The following ADGRG2 variants were observed in gnomAD, a reference collection of about 807,000 sequenced individuals.
The protein encoded by ADGRG2 is G protein-coupled receptor 64.
ADGRG2 carries 26 observed loss-of-function variants against 74.1 expected under a neutral mutation model. The ratio of observed to expected loss-of-function variants is 0.35; its 90% CI spans 0.26 to 0.49. The LOEUF (loss-of-function observed/expected upper bound fraction) is 0.49. Ranked by LOEUF, ADGRG2 falls within the 20% of genes least tolerant of loss-of-function variation. The pLI is 0.99. For missense variants in ADGRG2, 619 were observed against 763.1 expected (o/e 0.81, Z 2.22); for synonymous variants, 296 against 295.2 (o/e 1.00, Z -0.03).
In ADGRG2 at chrX:18,998,743, G is replaced by A. The variant is rs1601844737; in HGVS notation, c.2614+253C>T. ...GTTTTTAGCAATAAAATATTTTTAA[G>A]TTAAAGTATGTACATTTGTTTAGAC... On this transcript the variant is annotated intron_variant, in intron 26 of 28. Coordinates refer to ENST00000379869, the MANE Select transcript of ADGRG2 (RefSeq NM_001079858.3). Among the ~76,000 whole-genome samples the A allele has an allele frequency of 1.8e-5, 2 of 109,077 alleles. 1 individual carries two copies. 94.7% of individuals were successfully genotyped at this position (109,077 alleles called of 115,157 possible).
At position 18,999,125 on chromosome X, in the gene ADGRG2, T is replaced by C. The variant is rs776743937; in HGVS notation, c.2485A>G (p.Ile829Val). Residue 829 changes from isoleucine to valine, a missense_variant, in exon 26 of 29, where the codon ATT (isoleucine) becomes GTT (valine). Physicochemically the swap from Ile to Val is conservative, Grantham distance 29. Coordinates refer to ENST00000379869, the MANE Select transcript of ADGRG2 (RefSeq NM_001079858.3). ...CCAGCGATACTCCTGAGGTCTTGAA[T>C]ACTGGTTTTTCGCTGGGCTCCCAGT... The part of the protein sequence containing the change: ...KQLGAQRKTS[I>V]QDLRSIAGLT... 1.3e-5 allele frequency: 16 copies of C among 1,209,487 alleles called. 1 individual carries two copies. The South Asian group carries it at 2.6e-4, about 20-fold the overall frequency.
At chrX:18,992,689 T>C (rs192853564) in intron 28 of ADGRG2, among the ~76,000 whole-genome samples, 2 of 112,390 alleles carry the variant, frequency 1.8e-5, no homozygotes, top group African/African-American at 6.5e-5. Flanking sequence ...ACATGCATAT[T>C]ATGTGATATT....
At chrX:19,037,769 T>C in intron 4 of ADGRG2, 133 bp from the exon 5 acceptor site, 1 of 456,275 alleles carries the variant, frequency 2.2e-6, no homozygotes, top group Non-Finnish European at 3.7e-6. Flanking sequence ...TAGTTAAATC[T>C]GCATGTCCCA....
At chrX:19,112,380 G>A (rs2062427517) in intron 1 of ADGRG2, among the ~76,000 whole-genome samples, 1 of 110,874 alleles carries the variant, frequency 9.0e-6, no homozygotes, top group African/African-American at 3.3e-5. Flanking sequence ...GCCCTAGAGG[G>A]AAATTTTGAG....
chrX:19,028,154 T>C (rs1569391134), intron 10 of ADGRG2, 29 bp downstream of exon 10: 12 of 801,750 alleles, frequency 1.5e-5, no homozygotes, highest in Non-Finnish European at 2.3e-5. Flanking sequence ...CCTTTTAAGA[T>C]TGCAGTAAAA....
intron 19 of ADGRG2, 32 bp from the exon 20 acceptor site, chrX:19,007,389 A>T: frequency 8.4e-7 from 1 of 1,184,013 alleles, no homozygotes; most frequent in Non-Finnish European, 1.1e-6. Context: ...GGTAAATGAG[A>T]TATTGTCAGA....
rs1317736174 is a variant in ADGRG2, at chrX:19,021,217, A to G, written c.549-19T>C. 1.3e-6 allele frequency: 1 copy of G among 791,586 alleles called. No individual in the cohort carries two copies. The allele number at this position is 791,586 out of a possible 1,213,427, so 65.2% of individuals were successfully genotyped here. A position where few individuals can be genotyped will look rare whatever the true frequency, so the allele number is the denominator to read the frequency against. ...TAATGTGCTGTAAGGAGAAATATAC[A>G]TAACCAGAATGTTACTAAATGGGAA... is the stretch of plus-strand genomic sequence containing the variant. On this transcript the variant is annotated intron_variant, in intron 13 of 28. Coordinates refer to ENST00000379869, the MANE Select transcript of ADGRG2 (RefSeq NM_001079858.3).
intron 3 of ADGRG2, among the ~76,000 whole-genome samples, chrX:19,046,687 C>G (rs1244673561): frequency 1.8e-5 from 2 of 111,794 alleles, no homozygotes; most frequent in African/African-American, 6.5e-5. Context: ...CAGGAAGATT[C>G]TGGAAGAGCA....
intron 24 of ADGRG2, among the ~76,000 whole-genome samples, chrX:19,000,266 G>A (rs1326222142): frequency 8.9e-6 from 1 of 111,825 alleles, no homozygotes; most frequent in Non-Finnish European, 1.9e-5. Flanking sequence ...CAAAGTGCTG[G>A]GATTGCAGGC....
At chrX:19,113,331 T>A (rs770598372) in intron 1 of ADGRG2, among the ~76,000 whole-genome samples, 5 of 110,907 alleles carry the variant, frequency 4.5e-5, no homozygotes, top group Non-Finnish European at 9.4e-5. Flanking sequence ...TGAGCCGAGA[T>A]TGTGCCACCG....
intron 1 of ADGRG2, among the ~76,000 whole-genome samples, chrX:19,121,227 G>C (rs146549915): frequency 0.028 from 3,175 of 111,601 alleles, 38 homozygotes; most frequent in Non-Finnish European, 0.045. Flanking sequence ...GGGGCCATGC[G>C]TTGAGACCCC....
chrX:19,081,315 A>C (rs932902549), intron 2 of ADGRG2, among the ~76,000 whole-genome samples: 1 of 111,854 alleles, frequency 8.9e-6, no homozygotes, highest in African/African-American at 3.2e-5. Flanking sequence ...TTCTATCAAT[A>C]TGTAGAGGAG....
At chrX:19,048,909 G>A (rs1347222571) in intron 3 of ADGRG2, among the ~76,000 whole-genome samples, 4 of 112,018 alleles carry the variant, frequency 3.6e-5, no homozygotes, top group African/African-American at 1.3e-4. Context: ...GAAAGCGGGA[G>A]GCCGACTCAC....
chrX:19,095,897 T>TA (rs2147011912), intron 1 of ADGRG2, among the ~76,000 whole-genome samples: 1 of 110,886 alleles, frequency 9.0e-6, no homozygotes, highest in East Asian at 2.9e-4. Flanking sequence ...CATGTGCCAG[T>TA]AGCCCCAGCT....
chrX:19,038,471 CATTT>C (rs1372690634), intron 4 of ADGRG2, among the ~76,000 whole-genome samples: 1 of 112,284 alleles, frequency 8.9e-6, no homozygotes, highest in Non-Finnish European at 1.9e-5. Flanking sequence ...TCATTTACTA[CATTT>C]ATTTATTTCT....
intron 3 of ADGRG2, among the ~76,000 whole-genome samples, chrX:19,044,393 C>T (rs1021860517): frequency 2.3e-4 from 26 of 111,619 alleles, no homozygotes; most frequent in Non-Finnish European, 3.8e-5. Context: ...AGCTATTAGG[C>T]CCACCCAAGT....
At chrX:19,075,324 C>T (rs2061727783) in intron 2 of ADGRG2, among the ~76,000 whole-genome samples, 1 of 110,264 alleles carries the variant, frequency 9.1e-6, no homozygotes, top group Non-Finnish European at 1.9e-5. Context: ...TTCAAAGGAG[C>T]AGCTGTTAGG....
chrX:19,033,538 T>A, intron 8 of ADGRG2, 75 bp downstream of exon 8: 1 of 537,815 alleles, frequency 1.9e-6, no homozygotes, highest in Admixed American at 3.3e-5. Flanking sequence ...AGAAAGAAAT[T>A]ATAAACACCA....
chrX:19,019,539 A>G (rs2060541258), intron 15 of ADGRG2, 60 bp downstream of exon 15: 3 of 637,954 alleles, frequency 4.7e-6, no homozygotes, highest in Non-Finnish European at 7.5e-6. Flanking sequence ...CTCCTTAGCT[A>G]GCATGGTGAT....
Sources: allele counts gnomAD v4.1 joint callset (sites outside exome capture counted in the v4.1 genomes callset), GRCh38; gene constraint gnomAD v4.1.1; transcripts MANE v1.5; gene names NCBI Gene and HGNC (gene_info 2026-07-23, HGNC 2026-07-21).